Variants in SPOCK3 observed in about 807,000 individuals in gnomAD.
SPOCK3 encodes the protein testican-3.
In SPOCK3, 30 loss-of-function variants were observed where a neutral mutation model predicts 56.6. That is an observed-to-expected ratio of 0.53 (90% CI 0.40 to 0.72). The LOEUF (loss-of-function observed/expected upper bound fraction) is 0.72. Among genes scored for constraint, SPOCK3 ranks in the 30% least tolerant of loss-of-function variants. SPOCK3 has a pLI of 0.00. For missense variants in SPOCK3, 527 were observed against 530.0 expected, an observed-to-expected ratio of 0.99 and a Z score of 0.06; for synonymous variants, 196 against 183.3, an observed-to-expected ratio of 1.07 and a Z score of -0.56.
At chr4:166,771,896 A>T (rs144846112) in intron 7 of SPOCK3, among the ~76,000 whole-genome samples, 2 of 152,156 alleles carry the variant, frequency 1.3e-5, no homozygotes, top group Non-Finnish European at 2.9e-5. Flanking sequence ...AGCCACTGTT[A>T]TTTCCAGTAA....
intron 2 of SPOCK3, among the ~76,000 whole-genome samples, chr4:167,161,320 C>A (rs1198968577): frequency 3.3e-5 from 5 of 152,150 alleles, no homozygotes; most frequent in Admixed American, 6.5e-5. Context: ...CAGAGAAATG[C>A]AAATCAAATC....
chr4:167,150,425 C>T (rs1234850947), intron 2 of SPOCK3, among the ~76,000 whole-genome samples: 3 of 151,658 alleles, frequency 2.0e-5, no homozygotes, highest in Non-Finnish European at 2.9e-5. Context: ...GGAAATCTTA[C>T]GTACAACCAG....
intron 6 of SPOCK3, among the ~76,000 whole-genome samples, chr4:166,825,949 T>C (rs999200435): frequency 6.6e-6 from 1 of 152,068 alleles, no homozygotes; most frequent in Non-Finnish European, 1.5e-5. Flanking sequence ...CAGTGTACAC[T>C]GCTTGGGTGA....
intron 4 of SPOCK3, among the ~76,000 whole-genome samples, chr4:166,937,998 T>A (rs2150009932): frequency 6.6e-6 from 1 of 150,840 alleles, no homozygotes; most frequent in African/African-American, 2.4e-5. Context: ...CAGAAAGCTC[T>A]CAATCTCCTG....
chr4:167,210,202 T>C (rs1734737762), intron 2 of SPOCK3, among the ~76,000 whole-genome samples: 1 of 152,294 alleles, frequency 6.6e-6, no homozygotes, highest in South Asian at 2.1e-4. Context: ...CGTACTTTTA[T>C]ACCTCTATAA....
At chr4:167,119,755 A>G (rs1031036465) in intron 2 of SPOCK3, 2 of 1,376,026 alleles carry the variant, frequency 1.5e-6, no homozygotes, top group African/African-American at 2.9e-5. Context: ...TCTGCTACCC[A>G]CTATTTCACG....
Position 166,737,579 on chromosome 4 carries a change from T to C in SPOCK3, c.1020A>G (p.Glu340=). 1 of 1,612,834 alleles carries C rather than the reference T, an allele frequency of 6.2e-7. No individual in the cohort carries two copies. Among genetic ancestry groups the C allele is most frequent in the South Asian group, 1.1e-5 (1 of 90,872 alleles). ...LLGQYIPLCD[E]DGYYKPTQCH... ...ATTGTGTTGGCTTGTAGTAACCATC[T>C]TCATCACACAGGGGGATATACTGTC... Residue 340 remains glutamate (E), a synonymous_variant, in exon 10 of 11, where the codon GAA becomes GAG. Transcript: ENST00000357545.
At chr4:166,782,535 A>C (rs1244405256) in intron 7 of SPOCK3, among the ~76,000 whole-genome samples, 1 of 152,166 alleles carries the variant, frequency 6.6e-6, no homozygotes, top group Admixed American at 6.6e-5. Context: ...TTATGTGCAG[A>C]TGGGACATAT....
intron 3 of SPOCK3, among the ~76,000 whole-genome samples, chr4:167,021,458 G>C (rs1002049105): frequency 6.6e-6 from 1 of 151,950 alleles, no homozygotes. Flanking sequence ...ATGTGTGACT[G>C]GCTCTTATTT....
At chr4:166,914,752 A>G (rs1737662040) in intron 4 of SPOCK3, among the ~76,000 whole-genome samples, 1 of 152,116 alleles carries the variant, frequency 6.6e-6, no homozygotes. Context: ...TCTGAGCGAA[A>G]CTCCGTCTCA....
intron 8 of SPOCK3, among the ~76,000 whole-genome samples, chr4:166,751,369 T>C (rs1159396890): frequency 6.6e-6 from 1 of 152,188 alleles, no homozygotes; most frequent in Non-Finnish European, 1.5e-5. Flanking sequence ...AACTAGTTAT[T>C]GGAAAAGGAC....
At chr4:167,066,920 G>A (rs895907438) in intron 2 of SPOCK3, among the ~76,000 whole-genome samples, 1 of 151,968 alleles carries the variant, frequency 6.6e-6, no homozygotes, top group African/African-American at 2.4e-5. Flanking sequence ...TGGGTCGGAA[G>A]GATAAGCTTA....
At chr4:167,120,910 A>G (rs1425481791) in intron 2 of SPOCK3, among the ~76,000 whole-genome samples, 1 of 152,060 alleles carries the variant, frequency 6.6e-6, no homozygotes, top group East Asian at 1.9e-4. Flanking sequence ...GGGTAACATC[A>G]TAGTTTGAAT....
At chr4:166,878,478 T>C (rs1251467336) in intron 6 of SPOCK3, among the ~76,000 whole-genome samples, 2 of 150,532 alleles carry the variant, frequency 1.3e-5, no homozygotes, top group Non-Finnish European at 2.9e-5. Flanking sequence ...TTAAAATGTA[T>C]ATTTTATATG....
intron 3 of SPOCK3, among the ~76,000 whole-genome samples, chr4:167,022,251 T>C (rs1751261155): frequency 1.3e-5 from 2 of 152,024 alleles, no homozygotes; most frequent in African/African-American, 4.8e-5. Context: ...AGTAGGAGAA[T>C]ATAATATAAA....
chr4:166,940,183 G>A (rs1375939158), intron 4 of SPOCK3, among the ~76,000 whole-genome samples: 2 of 152,162 alleles, frequency 1.3e-5, no homozygotes, highest in African/African-American at 4.8e-5. Context: ...TTTCAAGAGA[G>A]AAGAAATATT....
chr4:167,089,510 T>C (rs1758516883), intron 2 of SPOCK3, among the ~76,000 whole-genome samples: 1 of 152,188 alleles, frequency 6.6e-6, no homozygotes, highest in Admixed American at 6.5e-5. Context: ...ATGGCTTTTA[T>C]ACAAAATCTA....
chr4:166,749,787 T>G (rs1736139795), intron 8 of SPOCK3, among the ~76,000 whole-genome samples: 1 of 152,152 alleles, frequency 6.6e-6, no homozygotes, highest in Non-Finnish European at 1.5e-5. Flanking sequence ...TCTCTTATAT[T>G]AAAGAATTAG....
At chr4:167,092,051 A>G (rs1014398595) in intron 2 of SPOCK3, among the ~76,000 whole-genome samples, 2 of 152,096 alleles carry the variant, frequency 1.3e-5, no homozygotes, top group Non-Finnish European at 2.9e-5. Flanking sequence ...AGAGAGATCA[A>G]TGCAGAAGGT....
Sources: allele counts gnomAD v4.1 joint callset (sites outside exome capture counted in the v4.1 genomes callset), GRCh38; gene constraint gnomAD v4.1.1; transcripts MANE v1.5; gene names NCBI Gene and HGNC (gene_info 2026-07-23, HGNC 2026-07-21).